The following CSMD3 variants were observed in gnomAD, a reference collection of about 807,000 sequenced individuals.
CSMD3 encodes the protein CUB and Sushi multiple domains 3, also known as CUB and sushi domain-containing protein 3.
A neutral mutation model predicts 435.2 loss-of-function variants in CSMD3; 177 were observed. The observed-to-expected ratio is 0.41, with a 90% confidence interval of 0.36 to 0.46. The LOEUF (loss-of-function observed/expected upper bound fraction) is 0.46. CSMD3 is among the 20% of genes least tolerant of loss of function. CSMD3 has a pLI of 0.34. For missense variants in CSMD3, 4,265 were observed against 4,504.6 expected (o/e 0.95, Z 1.52); for synonymous variants, 1,656 against 1,520.5 (o/e 1.09, Z -2.07).
chr8:113,077,562 T>G (rs2089396033), intron 5 of CSMD3, among the ~76,000 whole-genome samples: 1 of 151,802 alleles, frequency 6.6e-6, no homozygotes, highest in Non-Finnish European at 1.5e-5. Context: ...ATTAGCCGGG[T>G]GTGGTGGCAT....
chr8:112,624,897 T>A (rs749630047), intron 22 of CSMD3, among the ~76,000 whole-genome samples: 22 of 152,206 alleles, frequency 1.4e-4, no homozygotes, highest in Non-Finnish European at 2.8e-4. Flanking sequence ...AATTTACATG[T>A]AATCTTTATT....
At chr8:112,599,508 C>G (rs1832111001) in intron 22 of CSMD3, among the ~76,000 whole-genome samples, 1 of 151,812 alleles carries the variant, frequency 6.6e-6, no homozygotes, top group African/African-American at 2.4e-5. Flanking sequence ...ACCCAGCCAT[C>G]CCATTACTGG....
chr8:113,368,503 G>T (rs1481376775), intron 1 of CSMD3, among the ~76,000 whole-genome samples: 1 of 152,026 alleles, frequency 6.6e-6, no homozygotes, highest in Non-Finnish European at 1.5e-5. Context: ...GTTTCCTAGA[G>T]GAATATGGAT....
chr8:113,176,836 C>T (rs960494741), intron 3 of CSMD3, among the ~76,000 whole-genome samples: 1 of 151,314 alleles, frequency 6.6e-6, no homozygotes, highest in African/African-American at 2.4e-5. Context: ...TGCAGCAAAC[C>T]ATCATGGCAC....
At chr8:112,517,276 T>G in intron 27 of CSMD3, 51 bp from the exon 28 acceptor site, 2 of 1,304,222 alleles carry the variant, frequency 1.5e-6, no homozygotes, top group Non-Finnish European at 2.2e-6. Flanking sequence ...CCAAAATCAA[T>G]TTCATATATC....
chr8:112,452,963 T>C (rs907851295), intron 32 of CSMD3, among the ~76,000 whole-genome samples: 1 of 152,170 alleles, frequency 6.6e-6, no homozygotes, highest in African/African-American at 2.4e-5. Flanking sequence ...CAAATACTGG[T>C]TAAAATTAAT....
chr8:113,312,810 G>A (rs1294974264), intron 2 of CSMD3: 2 of 152,080 alleles, frequency 1.3e-5, no homozygotes, highest in African/African-American at 2.4e-5. Flanking sequence ...GCAGTCAGAC[G>A]TGCGTACCAT....
intron 1 of CSMD3, among the ~76,000 whole-genome samples, chr8:113,420,485 A>G (rs2094604198): frequency 6.6e-6 from 1 of 152,162 alleles, no homozygotes; most frequent in South Asian, 2.1e-4. Flanking sequence ...AGCAAAGGAA[A>G]CAAAATAGAA....
intron 6 of CSMD3, among the ~76,000 whole-genome samples, chr8:113,011,989 A>T (rs2086272052): frequency 1.3e-5 from 2 of 151,862 alleles, no homozygotes; most frequent in Non-Finnish European, 2.9e-5. Flanking sequence ...GTTTTAAAAA[A>T]GAATTTCCAA....
chr8:112,392,153 T>A (rs1830467680), intron 35 of CSMD3, among the ~76,000 whole-genome samples: 1 of 152,102 alleles, frequency 6.6e-6, no homozygotes, highest in Non-Finnish European at 1.5e-5. Context: ...CAAATATTAT[T>A]TTAGGTCCCA....
chr8:112,909,792 C>T (rs2082357535), intron 10 of CSMD3, among the ~76,000 whole-genome samples: 2 of 151,562 alleles, frequency 1.3e-5, no homozygotes, highest in East Asian at 1.9e-4. Context: ...ATTTCCAGCT[C>T]GTAATACATG....
At chr8:113,181,835 T>C (rs1401382674) in intron 3 of CSMD3, among the ~76,000 whole-genome samples, 1 of 152,028 alleles carries the variant, frequency 6.6e-6, no homozygotes. Flanking sequence ...TAGCATTTGA[T>C]AGATTAATTC....
intron 5 of CSMD3, among the ~76,000 whole-genome samples, chr8:113,072,358 C>G (rs1449381423): frequency 6.6e-6 from 1 of 151,640 alleles, no homozygotes; most frequent in Non-Finnish European, 1.5e-5. Flanking sequence ...AGTGGGCATC[C>G]TTGTATAAGA....
At chr8:113,077,658 G>A (rs1049229530) in intron 5 of CSMD3, among the ~76,000 whole-genome samples, 2 of 152,112 alleles carry the variant, frequency 1.3e-5, no homozygotes, top group African/African-American at 2.4e-5. Flanking sequence ...AGCCGAGATC[G>A]CATCACTGGA....
At chr8:112,842,191 A>G (rs963862327) in intron 11 of CSMD3, among the ~76,000 whole-genome samples, 4 of 151,784 alleles carry the variant, frequency 2.6e-5, no homozygotes, top group African/African-American at 9.7e-5. Context: ...TGGCCCCACT[A>G]ACTCTAAGGT....
intron 5 of CSMD3, among the ~76,000 whole-genome samples, chr8:113,038,836 G>A (rs1380718517): frequency 6.6e-6 from 1 of 152,144 alleles, no homozygotes; most frequent in Non-Finnish European, 1.5e-5. Context: ...TATAGTATTT[G>A]TAACGGTTAT....
rs199998820 is a variant in CSMD3, at chr8:112,448,755, T to TAA, written c.5395+23834_5395+23835dup. ...CAAATACTTTGGGAGTACAATCTAT[T>TAA]AAAAAAAAAAAAAAAAAAAAAAACC... On this transcript the variant is annotated intron_variant, in intron 32 of 70. Transcript: ENST00000297405. Among the ~76,000 whole-genome samples, 548 of 127,098 alleles carry TAA rather than the reference T, an allele frequency of 4.3e-3. 2 individuals carry two copies. Among genetic ancestry groups the TAA allele is most frequent in the African/African-American group, 0.016 (505 of 31,414 alleles). 83.4% of individuals were successfully genotyped at this position (127,098 alleles called of 152,430 possible). A position where few individuals can be genotyped will look rare whatever the true frequency, so the allele number is the denominator to read the frequency against.
At chr8:112,718,698 C>G (rs1018301418) in intron 13 of CSMD3, among the ~76,000 whole-genome samples, 1 of 151,890 alleles carries the variant, frequency 6.6e-6, no homozygotes, top group Non-Finnish European at 1.5e-5. Flanking sequence ...CCTTGGACTG[C>G]TTTTACAGTA....
At chr8:112,377,862 C>A (rs1213261813) in intron 38 of CSMD3, among the ~76,000 whole-genome samples, 2 of 151,938 alleles carry the variant, frequency 1.3e-5, no homozygotes, top group Non-Finnish European at 2.9e-5. Flanking sequence ...ATAATAAAGA[C>A]CATATATGAA....
Sources: gnomAD v4.1 joint callset for allele counts (sites outside exome capture counted in the v4.1 genomes callset) on GRCh38, gnomAD v4.1.1 for gene constraint, MANE v1.5 for transcripts, NCBI Gene and HGNC (gene_info 2026-07-23, HGNC 2026-07-21) for gene names.